CACNA1C: variants seen among roughly 807,000 people sequenced by gnomAD.
The protein encoded by CACNA1C is calcium voltage-gated channel subunit alpha1 C.
Under a neutral mutation model 229.0 loss-of-function variants are expected in CACNA1C, and 30 were observed. That is an observed-to-expected ratio of 0.13 (90% confidence interval 0.10 to 0.18). CACNA1C has a LOEUF of 0.18. CACNA1C is among the 10% of genes least tolerant of loss of function. The probability of loss-of-function intolerance (pLI) is 1.00; values close to 1 mark genes in which losing one functional copy is unlikely to be tolerated. For synonymous variants in CACNA1C, 1,114 were observed against 1,132.5 expected (o/e 0.98, Z 0.33); for missense variants, 1,658 against 2,845.0 (o/e 0.58, Z 9.49).
chr12:2,364,405 A>G (rs566229894), intron 3 of CACNA1C, among the ~76,000 whole-genome samples: 2 of 152,328 alleles, frequency 1.3e-5, no homozygotes, highest in Admixed American at 1.3e-4. Context: ...TGGACCAGAC[A>G]TCTATGAAAT....
At position 2,610,580 on chromosome 12, in the gene CACNA1C, C is replaced by T; in HGVS notation, c.3598C>T (p.Arg1200Trp). ...VEYALKARPL[R>W]RYIPKNQHQY... is the part of the protein sequence containing the mutation. ...ATACGCCCTCAAGGCCCGGCCCCTG[C>T]GGAGGTACATCCCCAAGAACCAGCA... Residue 1200 changes from arginine to tryptophan, a missense_variant, in exon 28 of 47, where the codon CGG becomes TGG. By Grantham distance (101) the Arg-to-Trp change is moderately radical. This residue lies in a region of CACNA1C where 67 missense variants were observed against 106.4 expected (regional missense o/e 0.63). Transcript: ENST00000399655. 6.2e-7 allele frequency: 1 copy of T among 1,614,028 alleles called. No individual in the cohort carries two copies.
chr12:2,093,897 T>G (rs2072597792), intron 1 of CACNA1C, among the ~76,000 whole-genome samples: 1 of 152,348 alleles, frequency 6.6e-6, no homozygotes, highest in South Asian at 2.1e-4. Flanking sequence ...CATCTGTGTT[T>G]CGTGCTGAAA....
chr12:2,612,200 G>A, intron 29 of CACNA1C, 187 bp downstream of exon 29: 1 of 568,748 alleles, frequency 1.8e-6, no homozygotes, highest in Non-Finnish European at 3.1e-6. Flanking sequence ...GCCAACTCCA[G>A]GAAACACTCT....
intron 1 of CACNA1C, among the ~76,000 whole-genome samples, chr12:1,980,899 C>T: frequency 6.6e-6 from 1 of 151,806 alleles, no homozygotes; most frequent in East Asian, 1.9e-4. Flanking sequence ...TCTTAAATAT[C>T]AAATCACAAT....
chr12:2,671,956 C>T (rs1429896283), intron 38 of CACNA1C, among the ~76,000 whole-genome samples: 1 of 151,820 alleles, frequency 6.6e-6, no homozygotes, highest in South Asian at 2.1e-4. Context: ...TCATCAGACA[C>T]GGGCCCTCCA....
chr12:2,459,731 A>T (rs1013590843), intron 5 of CACNA1C, among the ~76,000 whole-genome samples: 1 of 152,170 alleles, frequency 6.6e-6, no homozygotes, highest in African/African-American at 2.4e-5. Flanking sequence ...GACTTTGAAC[A>T]TGACTTTAAG....
chr12:2,642,817 G>A (rs12227672), intron 30 of CACNA1C, among the ~76,000 whole-genome samples: 10,077 of 152,248 alleles, frequency 0.066, 454 homozygotes, highest in Admixed American at 0.14. Context: ...ATGACTAGAC[G>A]CTGGGCTGTC....
At chr12:2,270,648 G>C (rs1055805061) in intron 3 of CACNA1C, among the ~76,000 whole-genome samples, 7 of 152,194 alleles carry the variant, frequency 4.6e-5, no homozygotes, top group Non-Finnish European at 1.0e-4. Flanking sequence ...AGGAGGCCAG[G>C]ATGGAGGAAG....
rs1178394266 is a variant in CACNA1C at position 2,694,125 on chromosome 12, C to T, written c.*2926C>T. 1 of 152,238 alleles carries T rather than the reference C, an allele frequency of 6.6e-6. No individual in the cohort carries two copies. The highest frequency in any genetic ancestry group is 2.4e-5 in the African/African-American group (1 of 41,454). The allele number at this position is 152,238 out of a possible 1,614,324, so 9.4% of individuals were successfully genotyped here. A position where few individuals can be genotyped will look rare whatever the true frequency, so the allele number is the denominator to read the frequency against. ...CAAGATTTCTACCAGGAGGTACACA[C>T]AGGCGTTCCCTGTCTAGGGCAGGAG... On this transcript the variant is annotated 3_prime_UTR_variant, in exon 47 of 47. Transcript: ENST00000399655.
intron 3 of CACNA1C, among the ~76,000 whole-genome samples, chr12:2,312,286 C>G (rs892660398): frequency 6.0e-4 from 92 of 152,244 alleles, no homozygotes; most frequent in African/African-American, 2.0e-3. Context: ...CCTCTCTCCC[C>G]CAAAGGAGAA....
chr12:2,531,893 C>T (rs1175537830), intron 9 of CACNA1C, among the ~76,000 whole-genome samples: 1 of 152,178 alleles, frequency 6.6e-6, no homozygotes, highest in East Asian at 1.9e-4. Flanking sequence ...TACGGAGTCT[C>T]TCCACCCTGC....
chr12:2,315,659 TG>T (rs2095651894), intron 3 of CACNA1C, among the ~76,000 whole-genome samples: 1 of 152,164 alleles, frequency 6.6e-6, no homozygotes, highest in Non-Finnish European at 1.5e-5. Flanking sequence ...TTGAAGGGCT[TG>T]GGGGAAGGGG....
chr12:2,619,208 G>A (rs1015776457), intron 29 of CACNA1C, among the ~76,000 whole-genome samples: 10 of 152,258 alleles, frequency 6.6e-5, no homozygotes, highest in East Asian at 1.9e-4. Context: ...TTCCTTCCAT[G>A]TCTGTTTCTC....
At chr12:2,473,507 G>T (rs2099603866) in intron 5 of CACNA1C, among the ~76,000 whole-genome samples, 1 of 152,142 alleles carries the variant, frequency 6.6e-6, no homozygotes. Flanking sequence ...CACATTTACT[G>T]AGGACTTATT....
At chr12:2,068,746 C>A (rs1180996450) in intron 1 of CACNA1C, among the ~76,000 whole-genome samples, 1 of 152,222 alleles carries the variant, frequency 6.6e-6, no homozygotes, top group South Asian at 2.1e-4. Flanking sequence ...CACCATCTCA[C>A]CCCGTCTGGC....
intron 1 of CACNA1C, among the ~76,000 whole-genome samples, chr12:2,111,844 G>T (rs1214763314): frequency 1.3e-5 from 2 of 152,180 alleles, no homozygotes; most frequent in Non-Finnish European, 2.9e-5. Context: ...GATGGAAACA[G>T]GGCGCTTTCC....
chr12:2,309,111 AATAAAGAAAATGTGATTTTCTAT>A (rs2095275344), intron 3 of CACNA1C, among the ~76,000 whole-genome samples: 1 of 152,238 alleles, frequency 6.6e-6, no homozygotes. Context: ...CTGGCAGATG[AATAAAGAAAATGTGATTTTCTAT>A]ATATAATGGA....
chr12:2,620,759 T>G (rs1307103227), intron 29 of CACNA1C, among the ~76,000 whole-genome samples: 2 of 152,212 alleles, frequency 1.3e-5, no homozygotes, highest in Non-Finnish European at 2.9e-5. Flanking sequence ...CACACACATT[T>G]GCAATGGGAA....
chr12:2,139,672 T>C (rs1205625776), intron 3 of CACNA1C, among the ~76,000 whole-genome samples: 2 of 151,208 alleles, frequency 1.3e-5, no homozygotes, highest in Non-Finnish European at 3.0e-5. Flanking sequence ...GACCGTGGCA[T>C]GTGTGGCAGA....
Sources: gnomAD v4.1 joint callset for allele counts (sites outside exome capture counted in the v4.1 genomes callset) on GRCh38, gnomAD v4.1.1 for gene constraint, gnomAD v4.1.1 regional missense constraint, MANE v1.5 for transcripts, NCBI Gene and HGNC (gene_info 2026-07-23, HGNC 2026-07-21) for gene names.